The following EMC3 variants were observed in gnomAD, a reference collection of about 807,000 sequenced individuals.
The protein encoded by EMC3 is ER membrane protein complex subunit 3, also known as 30 kDa protein.
EMC3 carries 13 observed loss-of-function variants against 36.6 expected under a neutral mutation model. The observed-to-expected ratio is 0.35, with a 90% CI of 0.23 to 0.56. EMC3 has a LOEUF of 0.56. EMC3 is among the 20% of genes least tolerant of loss of function. The pLI is 0.84. For missense variants in EMC3, 220 were observed against 324.5 expected, an observed-to-expected ratio of 0.68 and a Z score of 2.47; for synonymous variants, 120 against 111.9, an observed-to-expected ratio of 1.07 and a Z score of -0.46.
chr3:9,992,736 A>G (rs2086070167), intron 1 of EMC3: 2 of 613,314 alleles, frequency 3.3e-6, no homozygotes, highest in Admixed American at 3.3e-5. Flanking sequence ...GTTTTGTGAA[A>G]AGTGTAGATA....
intron 5 of EMC3, among the ~76,000 whole-genome samples, chr3:9,971,589 A>G (rs3732968): frequency 0.22 from 33,260 of 152,116 alleles, 4,212 homozygotes; most frequent in African/African-American, 0.35. Context: ...GCGTCTGTCC[A>G]TGACTGCATT....
At position 10,006,841 on chromosome 3, in the gene EMC3, A is replaced by G. The variant is rs574246971; in HGVS notation, c.-242+4182T>C. The G allele has an allele frequency of 2.4e-4, 101 of 426,010 alleles. 1 individual carries two copies. Among genetic ancestry groups the G allele is most frequent in the South Asian group, 1.6e-3 (97 of 59,476 alleles). 26.4% of individuals were successfully genotyped at this position (426,010 alleles called of 1,614,324 possible). A position where few individuals can be genotyped will look rare whatever the true frequency, so the allele number is the denominator to read the frequency against. On this transcript the variant is annotated intron_variant, in intron 1 of 8. Transcript: ENST00000470827. ...GACGAAGGCCCTGAGGTCCAAGAAC[A>G]TTGAAACCTGACAGTGGATGCCAAT...
intron 1 of EMC3, among the ~76,000 whole-genome samples, chr3:10,005,884 C>T (rs752244372): frequency 6.6e-6 from 1 of 152,192 alleles, no homozygotes; most frequent in Non-Finnish European, 1.5e-5. Flanking sequence ...CCCTTCCTCC[C>T]GGGGTTCCCA....
intron 6 of EMC3, 110 bp downstream of exon 6, chr3:9,970,472 T>C (rs1175353842): frequency 8.0e-7 from 1 of 1,242,702 alleles, no homozygotes; most frequent in African/African-American, 1.5e-5. Context: ...GAAGGAAACA[T>C]TTTATTTGAC....
chr3:10,002,305 T>TA (rs2086213642), intron 1 of EMC3, among the ~76,000 whole-genome samples: 1 of 151,934 alleles, frequency 6.6e-6, no homozygotes, highest in African/African-American at 2.4e-5. Context: ...TTATTTTATT[T>TA]TGAGATAGTG....
In EMC3 at chr3:9,973,706, T is replaced by C; in HGVS notation, c.416A>G (p.Lys139Arg). The change falls in exon 5 of 8, where the codon AAG becomes AGG. Residue 139 changes from lysine (K) to arginine (R), a missense_variant. Lys to Arg is a conservative substitution (Grantham distance 26). This residue lies in a region of EMC3 where 127 missense variants were observed against 174.6 expected (regional missense o/e 0.73). Transcript: ENST00000245046. ...ACGGAGGGTCAGTGGAAATGGGACC[T>C]TGGCTGCAGAGAAGAAAAAGTTCAC... ...NMTFSGFVTT[K>R]VPFPLTLRFK... The C allele has an allele frequency of 6.2e-7, 1 of 1,614,098 alleles. No homozygotes were observed. Among genetic ancestry groups the C allele is most frequent in the Non-Finnish European group, 8.5e-7 (1 of 1,179,928 alleles).
chr3:9,986,775 C>A lies in EMC3; in HGVS notation c.-114G>T. 1 of 1,514,324 alleles carries A rather than the reference C, an allele frequency of 6.6e-7. No homozygotes were observed. The highest frequency in any genetic ancestry group is 8.8e-7 in the Non-Finnish European group (1 of 1,132,238). 93.8% of individuals were successfully genotyped at this position (1,514,324 alleles called of 1,614,324 possible). ...TTCTCAAGCCCCTTTGCCCGTGTAC[C>A]CCAGAACTCTCCTGCGACTGTGAGC... On this transcript the variant is annotated 5_prime_UTR_variant, in exon 1 of 8. Transcript: ENST00000245046.
chr3:10,001,254 G>T (rs1559359175), intron 1 of EMC3, among the ~76,000 whole-genome samples: 1 of 151,802 alleles, frequency 6.6e-6, no homozygotes, highest in Non-Finnish European at 1.5e-5. Flanking sequence ...AATTATTTTG[G>T]CACCCTTGTC....
chr3:10,000,596 T>G, intron 1 of EMC3: 1 of 416,426 alleles, frequency 2.4e-6, no homozygotes, highest in East Asian at 6.0e-5. Context: ...CATAAAACAG[T>G]CATGAGACAT....
upstream of EMC3, among the ~76,000 whole-genome samples, chr3:9,990,544 C>G (rs1245403381): frequency 1.3e-5 from 2 of 151,766 alleles, no homozygotes; most frequent in South Asian, 4.2e-4. Flanking sequence ...GAGTTTCGCT[C>G]TTTTGCCTAG....
At chr3:9,964,572 C>A (rs751704224) in intron 7 of EMC3, among the ~76,000 whole-genome samples, 8 of 152,356 alleles carry the variant, frequency 5.3e-5, no homozygotes, top group South Asian at 2.1e-4. Context: ...AGATGTACAA[C>A]AGACAAATTA....
chr3:9,969,913 C>T (rs1372585560), intron 6 of EMC3, 112 bp from the exon 7 acceptor site: 1 of 1,476,826 alleles, frequency 6.8e-7, no homozygotes, highest in African/African-American at 1.4e-5. Context: ...GCCTCACTGG[C>T]TGGCCCTGTC....
chr3:9,994,045 TA>T, intron 1 of EMC3: 1 of 1,170,794 alleles, frequency 8.5e-7, no homozygotes, highest in Non-Finnish European at 1.2e-6. Flanking sequence ...TTATTCTGTG[TA>T]AAACAAAGAT....
intron 7 of EMC3, among the ~76,000 whole-genome samples, chr3:9,967,468 A>G (rs2085745544): frequency 8.9e-6 from 1 of 112,964 alleles, no homozygotes; most frequent in Non-Finnish European, 1.8e-5. Flanking sequence ...AATGGAGACT[A>G]TTCTTTCCCC....
At chr3:10,006,973 A>G (rs2086269804) in intron 1 of EMC3, 1 of 288,864 alleles carries the variant, frequency 3.5e-6, no homozygotes, top group Admixed American at 4.9e-5. Context: ...TTAAATAAAA[A>G]TGGTTACTGA....
At chr3:9,982,356 C>G (rs189244287) in intron 1 of EMC3, among the ~76,000 whole-genome samples, 1 of 150,812 alleles carries the variant, frequency 6.6e-6, no homozygotes, top group East Asian at 2.0e-4. Flanking sequence ...CCAGTTCAAG[C>G]GATTCTCCTG....
chr3:9,999,346 A>G (rs1383833145), intron 1 of EMC3, among the ~76,000 whole-genome samples: 4 of 151,880 alleles, frequency 2.6e-5, no homozygotes, highest in East Asian at 1.9e-4. Flanking sequence ...GGTTCAGACA[A>G]TTCTCCTGCC....
intron 1 of EMC3, among the ~76,000 whole-genome samples, chr3:9,996,478 A>C (rs773183172): frequency 6.6e-6 from 1 of 151,766 alleles, no homozygotes; most frequent in Non-Finnish European, 1.5e-5. Flanking sequence ...TAAAACAAAA[A>C]GAAGAGATTA....
At position 10,007,529 on chromosome 3, in the gene EMC3, C is replaced by T. The variant is rs377469408; in HGVS notation, c.-242+3494G>A. 11 of 1,367,424 alleles carry T rather than the reference C, an allele frequency of 8.0e-6. No individual in the cohort carries two copies. The East Asian group carries it at 2.7e-4, about 34-fold the overall frequency. 84.7% of individuals were successfully genotyped at this position (1,367,424 alleles called of 1,614,324 possible). ...TTCTTTTGATAACAGTGGCATGAAG[C>T]GCTCCCCCTCAGAGGCCTGACGTAG... is the stretch of plus-strand genomic sequence containing the variant. On this transcript the variant is annotated intron_variant, in intron 1 of 8. Coordinates refer to the EMC3 transcript ENST00000470827.
Sources: gnomAD v4.1 joint callset for allele counts (sites outside exome capture counted in the v4.1 genomes callset) on GRCh38, gnomAD v4.1.1 for gene constraint, gnomAD v4.1.1 regional missense constraint, MANE v1.5 for transcripts, NCBI Gene and HGNC (gene_info 2026-07-23, HGNC 2026-07-21) for gene names.